Variants in ZMYND8 observed in about 807,000 individuals in gnomAD.
ZMYND8 encodes zinc finger MYND-type containing 8.
In ZMYND8, 37 loss-of-function variants were observed where a neutral mutation model predicts 140.8. That is an observed-to-expected ratio of 0.26 (90% CI 0.20 to 0.35). ZMYND8 has a LOEUF of 0.35. Among genes scored for constraint, ZMYND8 ranks in the 10% least tolerant of loss-of-function variants. The probability of loss-of-function intolerance (pLI) is 1.00; values close to 1 mark genes in which losing one functional copy is unlikely to be tolerated. For missense variants in ZMYND8, 1,068 were observed against 1,570.0 expected (o/e 0.68, Z 5.40); for synonymous variants, 592 against 597.1 (o/e 0.99, Z 0.12).
intron 10 of ZMYND8, 74 bp downstream of exon 10, chr20:47,282,028 C>T (rs1377533407): frequency 8.1e-7 from 1 of 1,228,774 alleles, no homozygotes; most frequent in Non-Finnish European, 1.2e-6. Flanking sequence ...GCAGCCTCCA[C>T]TTCTTTTCTT....
rs2074557003 is a variant in ZMYND8, at chr20:47,255,609, TACACACC to T, written c.1622-6177_1622-6171del. Among the ~76,000 whole-genome samples the T allele has an allele frequency of 2.3e-5, 3 of 131,222 alleles. No individual in the cohort carries two copies. In the South Asian group the frequency reaches 7.4e-4, roughly 32 times the overall value. 86.1% of individuals were successfully genotyped at this position (131,222 alleles called of 152,430 possible). On this transcript the variant is annotated intron_variant, in intron 12 of 22. Coordinates refer to ENST00000471951, the MANE Select transcript of ZMYND8 (RefSeq NM_001281775.3). ...GTGTGTGTGTGTATATATATATATA[TACACACC>T]ATATACATATACTCAGTATATATAT...
intron 22 of ZMYND8, among the ~76,000 whole-genome samples, 192 bp downstream of exon 22, chr20:47,212,450 A>G (rs1273472404): frequency 1.3e-5 from 2 of 152,178 alleles, no homozygotes; most frequent in Non-Finnish European, 2.9e-5. Flanking sequence ...GCTCGCTCTC[A>G]TTTCCTAATG....
At chr20:47,238,565 T>C (rs757113867) in intron 15 of ZMYND8, 193 bp downstream of exon 15, 60 of 1,104,928 alleles carry the variant, frequency 5.4e-5, no homozygotes, top group Non-Finnish European at 2.3e-5. Flanking sequence ...AAAAAACTTT[T>C]TGAAAGTAAA....
Position 47,241,294 on chromosome 20 carries a change from C to CAA in ZMYND8, c.2285-2158_2285-2157dup, listed in dbSNP as rs11476591. Among the ~76,000 whole-genome samples, 450 of 61,840 alleles carry CAA rather than the reference C, an allele frequency of 7.3e-3. 5 individuals carry two copies. The highest frequency in any genetic ancestry group is 0.02 in the African/African-American group (426 of 21,088). 40.6% of individuals were successfully genotyped at this position (61,840 alleles called of 152,430 possible). A position where few individuals can be genotyped will look rare whatever the true frequency, so the allele number is the denominator to read the frequency against. ...TGGGTGACAGGGCGAGACTCCGTCTCAAAAAAAAAAAAAAAAAAAAGATTC... is the reference window on the plus strand; with the variant it reads ...TGGGTGACAGGGCGAGACTCCGTCTCAAAAAAAAAAAAAAAAAAAAAAGATTC... On this transcript the variant is annotated intron_variant, in intron 14 of 22. Coordinates refer to ENST00000471951, the MANE Select transcript of ZMYND8 (RefSeq NM_001281775.3).
intron 2 of ZMYND8, among the ~76,000 whole-genome samples, chr20:47,328,106 C>T (rs1041217829): frequency 3.9e-5 from 6 of 152,120 alleles, no homozygotes; most frequent in African/African-American, 1.4e-4. Flanking sequence ...GCTACCATGA[C>T]TACCCTAGAT....
chr20:47,294,614 CAT>C, intron 5 of ZMYND8, 50 bp downstream of exon 5: 1 of 1,553,034 alleles, frequency 6.4e-7, no homozygotes, highest in Non-Finnish European at 8.9e-7. Flanking sequence ...CAGAACAAAA[CAT>C]ATGTCATTAC....
At chr20:47,313,479 G>A (rs946222991) in intron 2 of ZMYND8, among the ~76,000 whole-genome samples, 29 of 151,954 alleles carry the variant, frequency 1.9e-4, no homozygotes, top group East Asian at 3.9e-4. Context: ...AAAATTAGCC[G>A]GGCGTGGTGG....
intron 12 of ZMYND8, among the ~76,000 whole-genome samples, chr20:47,255,431 G>A (rs1210061374): frequency 1.3e-5 from 2 of 151,332 alleles, no homozygotes; most frequent in Admixed American, 6.6e-5. Context: ...AGACAGGGCC[G>A]GGCGTGGTAG....
At chr20:47,234,521 T>C (rs2038959538) in intron 16 of ZMYND8, among the ~76,000 whole-genome samples, 1 of 152,186 alleles carries the variant, frequency 6.6e-6, no homozygotes, top group South Asian at 2.1e-4. Flanking sequence ...TCCCAAACCC[T>C]TGCAGACACC....
chr20:47,229,007 T>C (rs199646278), intron 17 of ZMYND8, among the ~76,000 whole-genome samples: 1 of 150,350 alleles, frequency 6.7e-6, no homozygotes, highest in African/African-American at 2.4e-5. Flanking sequence ...TTTTTTTTTT[T>C]CCTTAAGAGA....
intron 2 of ZMYND8, among the ~76,000 whole-genome samples, chr20:47,326,598 T>C (rs1453840927): frequency 6.6e-6 from 1 of 152,216 alleles, no homozygotes; most frequent in Non-Finnish European, 1.5e-5. Context: ...AGGATCTCTT[T>C]TTCCAAAACC....
intron 2 of ZMYND8, among the ~76,000 whole-genome samples, chr20:47,341,167 T>G (rs1331760435): frequency 1.3e-5 from 2 of 151,982 alleles, no homozygotes; most frequent in Non-Finnish European, 1.5e-5. Context: ...CATGTTTAGC[T>G]GATATAGACA....
intron 16 of ZMYND8, among the ~76,000 whole-genome samples, chr20:47,233,082 T>A (rs1489295214): frequency 1.3e-5 from 2 of 152,012 alleles, no homozygotes; most frequent in Admixed American, 1.3e-4. Context: ...AATTTTTGTA[T>A]TTTTAGTAGA....
intron 2 of ZMYND8, among the ~76,000 whole-genome samples, chr20:47,331,856 G>C (rs1308298413): frequency 1.3e-5 from 2 of 152,148 alleles, no homozygotes; most frequent in South Asian, 2.1e-4. Context: ...GGAAGGTCAG[G>C]GTGGAAGCCA....
intron 11 of ZMYND8, among the ~76,000 whole-genome samples, chr20:47,268,325 G>A (rs1335920258): frequency 1.4e-4 from 18 of 129,388 alleles, no homozygotes; most frequent in East Asian, 4.9e-4. Context: ...AGGGAGTCTC[G>A]CTCTGTCACC....
At chr20:47,304,229 TA>T (rs2078305054) in intron 3 of ZMYND8, among the ~76,000 whole-genome samples, 1 of 152,184 alleles carries the variant, frequency 6.6e-6, no homozygotes, top group Non-Finnish European at 1.5e-5. Context: ...CCTGCTTCCA[TA>T]GGCTGGCTAA....
At chr20:47,338,609 T>C (rs1478732521) in intron 2 of ZMYND8, among the ~76,000 whole-genome samples, 1 of 152,094 alleles carries the variant, frequency 6.6e-6, no homozygotes, top group Non-Finnish European at 1.5e-5. Flanking sequence ...ACTTTGAATA[T>C]TAAGCCAAGT....
rs571076588 is a variant in ZMYND8, at chr20:47,224,713, T to C, written c.3017-157A>G. On this transcript the variant is annotated intron_variant, in intron 18 of 22. Coordinates refer to ENST00000471951, the MANE Select transcript of ZMYND8 (RefSeq NM_001281775.3). ...GGCAATAACCTAGCCCGAGTCTTCA[T>C]CTGTAAATAGGGCATTCATCATGGT... 3.9e-5 allele frequency among the ~76,000 whole-genome samples: 6 copies of C among 152,280 alleles called. No homozygotes were observed. In the East Asian group the frequency reaches 9.7e-4, roughly 25 times the overall value.
At chr20:47,285,191 A>G (rs989375723) in intron 8 of ZMYND8, among the ~76,000 whole-genome samples, 17 of 152,354 alleles carry the variant, frequency 1.1e-4, no homozygotes, top group African/African-American at 3.8e-4. Context: ...CGGGCTCCAA[A>G]GCCCATGCAG....
Sources: gnomAD v4.1 joint callset for allele counts (sites outside exome capture counted in the v4.1 genomes callset) on GRCh38, gnomAD v4.1.1 for gene constraint, MANE v1.5 for transcripts, NCBI Gene and HGNC (gene_info 2026-07-23, HGNC 2026-07-21) for gene names.